Variants in PLSCR2 observed in about 807,000 individuals in gnomAD.
PLSCR2 encodes the protein phospholipid scramblase 2.
A neutral mutation model predicts 25.3 loss-of-function variants in PLSCR2; 18 were observed. The ratio of observed to expected loss-of-function variants is 0.71; its 90% CI spans 0.49 to 1.06. The LOEUF (loss-of-function observed/expected upper bound fraction) is 1.06, where lower values mean the gene tolerates loss of function less well. Among genes scored for constraint, PLSCR2 ranks in the 50% least tolerant of loss-of-function variants. PLSCR2 has a pLI of 0.00. For missense variants in PLSCR2, 243 were observed against 269.5 expected, an observed-to-expected ratio of 0.90 and a Z score of 0.69; for synonymous variants, 88 against 87.3, an observed-to-expected ratio of 1.01 and a Z score of -0.04.
intron 5 of PLSCR2, among the ~76,000 whole-genome samples, chr3:146,452,284 A>G (rs2040949552): frequency 6.6e-6 from 1 of 152,184 alleles, no homozygotes; most frequent in Non-Finnish European, 1.5e-5. Flanking sequence ...AAAAAAAAAG[A>G]ATTGTAGTGT....
At chr3:146,433,939 G>A in intron 8 of PLSCR2, among the ~76,000 whole-genome samples, 1 of 152,032 alleles carries the variant, frequency 6.6e-6, no homozygotes, top group Admixed American at 6.6e-5. Context: ...AAGCTGAAAG[G>A]GATACCCTTA....
chr3:146,464,955 G>A (rs2041795417), upstream of PLSCR2, among the ~76,000 whole-genome samples: 1 of 152,076 alleles, frequency 6.6e-6, no homozygotes, highest in Non-Finnish European at 1.5e-5. Context: ...CCTGCACTAG[G>A]CTTCAACAGA....
chr3:146,472,505 C>T (rs2108501229), intron 1 of PLSCR2, among the ~76,000 whole-genome samples: 1 of 152,304 alleles, frequency 6.6e-6, no homozygotes, highest in Non-Finnish European at 1.5e-5. Flanking sequence ...CCAGGAGATT[C>T]AGTGTCTGCA....
chr3:146,405,971 G>T (rs1266870451), intron 2 of PLSCR2, among the ~76,000 whole-genome samples: 11 of 152,166 alleles, frequency 7.2e-5, no homozygotes, highest in Non-Finnish European at 1.6e-4. Flanking sequence ...TGATTGGCTT[G>T]GGTGGGCTTC....
intron 1 of PLSCR2, among the ~76,000 whole-genome samples, chr3:146,475,025 G>A (rs987284178): frequency 1.3e-5 from 2 of 151,846 alleles, no homozygotes; most frequent in African/African-American, 4.8e-5. Context: ...GGTTATTCTA[G>A]TTAGCAATTC....
At chr3:146,402,423 C>T (rs80112212) in intron 2 of PLSCR2, among the ~76,000 whole-genome samples, 20 of 152,056 alleles carry the variant, frequency 1.3e-4, no homozygotes, top group African/African-American at 4.8e-4. Flanking sequence ...AATGAGTATA[C>T]ACTTAATGAG....
chr3:146,442,393 G>A (rs2040299054), intron 6 of PLSCR2, among the ~76,000 whole-genome samples: 1 of 151,916 alleles, frequency 6.6e-6, no homozygotes, highest in Non-Finnish European at 1.5e-5. Flanking sequence ...TACTGAAAGG[G>A]AACTACAGAT....
At chr3:146,478,893 C>T (rs1428002830) in intron 1 of PLSCR2, among the ~76,000 whole-genome samples, 1 of 152,222 alleles carries the variant, frequency 6.6e-6, no homozygotes, top group Non-Finnish European at 1.5e-5. Flanking sequence ...AACAGCGGAT[C>T]TCTCGGCAGA....
chr3:146,482,611 C>T (rs941642258), intron 1 of PLSCR2, among the ~76,000 whole-genome samples: 1 of 152,184 alleles, frequency 6.6e-6, no homozygotes, highest in African/African-American at 2.4e-5. Flanking sequence ...AATAGGAACA[C>T]TTTTACACTG....
chr3:146,395,910 C>A, exon 3 of PLSCR2: 1 of 324,612 alleles, frequency 3.1e-6, no homozygotes, highest in Non-Finnish European at 6.1e-6. Flanking sequence ...TTTCCTCATC[C>A]AGAGTCAATA....
At chr3:146,404,847 C>A (rs1004376289) in intron 2 of PLSCR2, among the ~76,000 whole-genome samples, 6 of 148,682 alleles carry the variant, frequency 4.0e-5, no homozygotes, top group Admixed American at 1.3e-4. Context: ...TTAACTGGTC[C>A]CAGGTAAGTC....
At chr3:146,493,277 A>G (rs577863347) in intron 1 of PLSCR2, among the ~76,000 whole-genome samples, 2 of 152,290 alleles carry the variant, frequency 1.3e-5, no homozygotes, top group African/African-American at 4.8e-5. Flanking sequence ...AGGAGGGACT[A>G]TCTTCTAACT....
chr3:146,452,740 T>C (rs2040973295), intron 5 of PLSCR2, among the ~76,000 whole-genome samples: 2 of 152,126 alleles, frequency 1.3e-5, no homozygotes, highest in Non-Finnish European at 2.9e-5. Flanking sequence ...GAATAAATTA[T>C]ATTCCAATTA....
upstream of PLSCR2, chr3:146,495,953 C>A: frequency 6.5e-7 from 1 of 1,526,948 alleles, no homozygotes; most frequent in Non-Finnish European, 8.8e-7. Context: ...CAGAGTCTCT[C>A]AGAATTATTG....
intron 1 of PLSCR2, among the ~76,000 whole-genome samples, chr3:146,483,449 G>GTGTATA (rs1553791480): frequency 3.3e-5 from 1 of 30,596 alleles, no homozygotes; most frequent in African/African-American, 1.5e-4. Flanking sequence ...ATATACACAT[G>GTGTATA]TATGTATATA....
intron 1 of PLSCR2, among the ~76,000 whole-genome samples, chr3:146,483,428 A>AATAT (rs546837366): frequency 1.9e-5 from 2 of 103,706 alleles, no homozygotes; most frequent in Non-Finnish European, 3.9e-5. Context: ...ACTTAAACTT[A>AATAT]ATATATATAT....
intron 6 of PLSCR2, among the ~76,000 whole-genome samples, chr3:146,444,083 G>A (rs1479844246): frequency 6.6e-6 from 1 of 151,762 alleles, no homozygotes; most frequent in South Asian, 2.1e-4. Context: ...AGTTCCTCTT[G>A]TTATTGATTT....
At chr3:146,429,881 T>A (rs1486776340), downstream of PLSCR2, among the ~76,000 whole-genome samples, 1 of 152,066 alleles carries the variant, frequency 6.6e-6, no homozygotes, top group Non-Finnish European at 1.5e-5. Flanking sequence ...CACCTTGGCC[T>A]CCCAAAGTGC....
intron 1 of PLSCR2, among the ~76,000 whole-genome samples, chr3:146,483,835 T>A (rs898502265): frequency 7.8e-6 from 1 of 129,006 alleles, no homozygotes; most frequent in East Asian, 2.2e-4. Context: ...CGAGAAAGAA[T>A]CAAAGAAAAA....
Sources: allele counts gnomAD v4.1 joint callset (sites outside exome capture counted in the v4.1 genomes callset), GRCh38; gene constraint gnomAD v4.1.1; transcripts MANE v1.5; gene names NCBI Gene and HGNC (gene_info 2026-07-23, HGNC 2026-07-21).